Variants in CADPS2 observed in about 807,000 individuals in gnomAD.
CADPS2 encodes the protein calcium-dependent secretion activator 2.
A neutral mutation model predicts 172.5 loss-of-function variants in CADPS2; 93 were observed. That is an observed-to-expected ratio of 0.54 (90% CI 0.46 to 0.64). CADPS2 has a LOEUF of 0.64. CADPS2 is among the 30% of genes least tolerant of loss of function. CADPS2 has a pLI of 0.00. For missense variants in CADPS2, 1,420 were observed against 1,565.9 expected (o/e 0.91, Z 1.57); for synonymous variants, 546 against 555.2 (o/e 0.98, Z 0.23).
intron 3 of CADPS2, among the ~76,000 whole-genome samples, chr7:122,643,742 G>A (rs2077963229): frequency 6.6e-6 from 1 of 152,034 alleles, no homozygotes; most frequent in Non-Finnish European, 1.5e-5. Flanking sequence ...AGAGGGATGA[G>A]GAAGGAGGGA....
chr7:122,342,239 T>C (rs1243653857), intron 28 of CADPS2, among the ~76,000 whole-genome samples: 1 of 152,186 alleles, frequency 6.6e-6, no homozygotes, highest in Non-Finnish European at 1.5e-5. Context: ...GCAGATTTTA[T>C]ACGGTAAATG....
intron 2 of CADPS2, among the ~76,000 whole-genome samples, chr7:122,705,771 ATAT>A (rs1402567841): frequency 7.3e-5 from 1 of 13,692 alleles, no homozygotes; most frequent in African/African-American, 2.8e-4. Context: ...AATATATGAT[ATAT>A]TATATAATAT....
At chr7:122,832,328 T>G (rs1806813976) in intron 1 of CADPS2, among the ~76,000 whole-genome samples, 1 of 150,458 alleles carries the variant, frequency 6.6e-6, no homozygotes, top group Admixed American at 6.6e-5. Context: ...CCCACCCATG[T>G]GTGCACACAC....
chr7:122,632,700 T>G (rs185055856), intron 3 of CADPS2, among the ~76,000 whole-genome samples: 1 of 152,236 alleles, frequency 6.6e-6, no homozygotes, highest in Non-Finnish European at 1.5e-5. Context: ...TTTAGATTAA[T>G]TAGGTCCCAC....
At chr7:122,469,178 G>T (rs2055564042) in intron 14 of CADPS2, among the ~76,000 whole-genome samples, 1 of 152,170 alleles carries the variant, frequency 6.6e-6, no homozygotes, top group African/African-American at 2.4e-5. Flanking sequence ...AGCAGCAGTA[G>T]CTCCTTGTTG....
chr7:122,585,132 G>C (rs900660999), intron 6 of CADPS2, among the ~76,000 whole-genome samples: 15 of 151,914 alleles, frequency 9.9e-5, no homozygotes, highest in African/African-American at 3.6e-4. Context: ...AGCAGATCCT[G>C]ACTGCAGCAG....
intron 7 of CADPS2, among the ~76,000 whole-genome samples, chr7:122,558,303 A>G (rs1014838773): frequency 6.6e-6 from 1 of 152,194 alleles, no homozygotes; most frequent in African/African-American, 2.4e-5. Context: ...TTTAACAGAT[A>G]TAAAAGCTTA....
intron 20 of CADPS2, among the ~76,000 whole-genome samples, chr7:122,403,676 T>A (rs1325623386): frequency 6.6e-6 from 1 of 152,154 alleles, no homozygotes; most frequent in East Asian, 1.9e-4. Context: ...AATTTACACT[T>A]GCATTGAAAA....
intron 7 of CADPS2, among the ~76,000 whole-genome samples, chr7:122,573,421 T>C (rs925539632): frequency 6.6e-6 from 1 of 151,976 alleles, no homozygotes; most frequent in Non-Finnish European, 1.5e-5. Context: ...ACAACAGTAG[T>C]CCCAGCAACT....
At chr7:122,782,463 T>C (rs1462856075) in intron 1 of CADPS2, among the ~76,000 whole-genome samples, 1 of 152,084 alleles carries the variant, frequency 6.6e-6, no homozygotes, top group Non-Finnish European at 1.5e-5. Context: ...CAACAAAAAT[T>C]AGCACGGTGT....
intron 8 of CADPS2, among the ~76,000 whole-genome samples, chr7:122,531,637 G>GT (rs2061764671): frequency 1.3e-5 from 2 of 152,236 alleles, no homozygotes; most frequent in South Asian, 4.1e-4. Context: ...ATAACGATTG[G>GT]TTTCCTAATT....
intron 1 of CADPS2, among the ~76,000 whole-genome samples, chr7:122,800,638 C>T (rs1797408049): frequency 6.6e-6 from 1 of 151,822 alleles, no homozygotes; most frequent in East Asian, 1.9e-4. Flanking sequence ...TATGAGGCTT[C>T]AATAATAGAG....
At chr7:122,621,424 A>C in intron 5 of CADPS2, 57 bp downstream of exon 5, 1 of 1,122,760 alleles carries the variant, frequency 8.9e-7, no homozygotes, top group South Asian at 1.4e-5. Flanking sequence ...GTCAACAGAA[A>C]TTATTGTGCA....
intron 25 of CADPS2, among the ~76,000 whole-genome samples, chr7:122,370,737 A>T (rs965400611): frequency 6.6e-6 from 1 of 152,180 alleles, no homozygotes; most frequent in African/African-American, 2.4e-5. Flanking sequence ...AGAAGAAAGC[A>T]AAAAAGGGCT....
chr7:122,531,671 T>A (rs1563614585), intron 8 of CADPS2, among the ~76,000 whole-genome samples: 1 of 152,082 alleles, frequency 6.6e-6, no homozygotes, highest in African/African-American at 2.4e-5. Context: ...ATCCAGAGGA[T>A]CAAATGACCC....
intron 2 of CADPS2, among the ~76,000 whole-genome samples, chr7:122,687,458 A>T (rs1166780573): frequency 6.6e-6 from 1 of 152,232 alleles, no homozygotes; most frequent in Admixed American, 6.5e-5. Context: ...CTGTGGAACC[A>T]GAACAAGTTC....
At chr7:122,701,986 T>C (rs1396611542) in intron 2 of CADPS2, 1 of 1,613,720 alleles carries the variant, frequency 6.2e-7, no homozygotes, top group Admixed American at 1.7e-5. Context: ...CACAGTTGTC[T>C]TCATTTAGGT....
intron 1 of CADPS2, among the ~76,000 whole-genome samples, chr7:122,804,624 G>A (rs1484905935): frequency 3.3e-5 from 5 of 152,096 alleles, no homozygotes; most frequent in African/African-American, 4.8e-5. Flanking sequence ...CTTAAACTGC[G>A]GAATTATCTT....
intron 2 of CADPS2, among the ~76,000 whole-genome samples, chr7:122,710,588 CT>C (rs2088538897): frequency 2.6e-5 from 4 of 152,110 alleles, no homozygotes; most frequent in Admixed American, 2.6e-4. Flanking sequence ...GCCAAGCACA[CT>C]GCTAGCTTAG....
Sources: allele counts gnomAD v4.1 joint callset (sites outside exome capture counted in the v4.1 genomes callset), GRCh38; gene constraint gnomAD v4.1.1; transcripts MANE v1.5; gene names NCBI Gene and HGNC (gene_info 2026-07-23, HGNC 2026-07-21).